The following KCNH5 variants were observed in gnomAD, a reference collection of about 807,000 sequenced individuals.
KCNH5 encodes voltage-gated delayed rectifier potassium channel KCNH5.
A neutral mutation model predicts 96.1 loss-of-function variants in KCNH5; 46 were observed. That is an observed-to-expected ratio of 0.48 (90% confidence interval 0.38 to 0.61). The LOEUF is 0.61. Ranked by LOEUF, KCNH5 falls within the 20% of genes least tolerant of loss-of-function variation. The probability of loss-of-function intolerance (pLI) is 0.00; values close to 1 mark genes in which losing one functional copy is unlikely to be tolerated. For missense variants in KCNH5, 907 were observed against 1,225.8 expected, an observed-to-expected ratio of 0.74 and a Z score of 3.88; for synonymous variants, 439 against 449.8, an observed-to-expected ratio of 0.98 and a Z score of 0.30.
chr14:62,723,619 T>C (rs1213459512), intron 10 of KCNH5, among the ~76,000 whole-genome samples: 2 of 152,180 alleles, frequency 1.3e-5, no homozygotes, highest in South Asian at 2.1e-4. Flanking sequence ...TCATGGGGTA[T>C]GTTATTTCTG....
intron 7 of KCNH5, among the ~76,000 whole-genome samples, chr14:62,893,509 A>T (rs929409121): frequency 1.3e-5 from 2 of 152,182 alleles, no homozygotes; most frequent in Non-Finnish European, 2.9e-5. Context: ...TAATCCCAGC[A>T]CTTTGGGAGG....
At chr14:62,973,515 C>G (rs1022851768) in intron 6 of KCNH5, among the ~76,000 whole-genome samples, 1 of 152,142 alleles carries the variant, frequency 6.6e-6, no homozygotes, top group Non-Finnish European at 1.5e-5. Flanking sequence ...CATGAAGACA[C>G]ATTTGTCTTG....
chr14:62,871,652 C>A (rs1041329026), intron 7 of KCNH5, among the ~76,000 whole-genome samples: 8 of 152,068 alleles, frequency 5.3e-5, no homozygotes, highest in Non-Finnish European at 8.8e-5. Flanking sequence ...GAATAGAAAG[C>A]CCTAAGCATT....
intron 7 of KCNH5, among the ~76,000 whole-genome samples, chr14:62,918,757 A>C (rs1447079864): frequency 6.6e-6 from 1 of 152,116 alleles, no homozygotes; most frequent in Non-Finnish European, 1.5e-5. Context: ...CACACTCAAA[A>C]TATGTCAGTA....
At chr14:62,868,700 T>G (rs1271540343) in intron 7 of KCNH5, among the ~76,000 whole-genome samples, 2 of 152,098 alleles carry the variant, frequency 1.3e-5, no homozygotes, top group African/African-American at 4.8e-5. Flanking sequence ...CCCTACCCGC[T>G]GACAGGCCCT....
chr14:63,041,887 T>C (rs79953384), intron 1 of KCNH5, among the ~76,000 whole-genome samples: 2,017 of 152,244 alleles, frequency 0.013, 49 homozygotes, highest in African/African-American at 0.046. Flanking sequence ...CAGAATACAG[T>C]GCTGGTATTC....
intron 7 of KCNH5, among the ~76,000 whole-genome samples, chr14:62,943,037 T>C (rs916781679): frequency 2.0e-5 from 3 of 152,184 alleles, no homozygotes; most frequent in African/African-American, 7.2e-5. Flanking sequence ...AATACATATT[T>C]AATAATGTAC....
At chr14:62,905,136 C>G (rs1889002478) in intron 7 of KCNH5, among the ~76,000 whole-genome samples, 1 of 152,186 alleles carries the variant, frequency 6.6e-6, no homozygotes. Flanking sequence ...AAAAGAAAAT[C>G]TACCTCACCA....
At chr14:62,886,604 T>A (rs10150127) in intron 7 of KCNH5, among the ~76,000 whole-genome samples, 117,764 of 152,130 alleles carry the variant, frequency 0.77, 46,761 homozygotes, top group East Asian at 0.99. Context: ...GTCAAGCTTG[T>A]TTTGAAGCTT....
intron 7 of KCNH5, among the ~76,000 whole-genome samples, chr14:62,920,055 G>T (rs773082666): frequency 5.3e-5 from 8 of 152,032 alleles, no homozygotes; most frequent in African/African-American, 1.9e-4. Flanking sequence ...GAGTTTTGGG[G>T]GAACTTGCCC....
At chr14:62,757,944 G>A (rs1595609276) in intron 10 of KCNH5, among the ~76,000 whole-genome samples, 2 of 152,034 alleles carry the variant, frequency 1.3e-5, no homozygotes, top group African/African-American at 2.4e-5. Context: ...TCAGGAGTTC[G>A]AGACCAGCCT....
intron 6 of KCNH5, among the ~76,000 whole-genome samples, chr14:62,953,059 G>T (rs1452505224): frequency 6.6e-6 from 1 of 151,256 alleles, no homozygotes; most frequent in Non-Finnish European, 1.5e-5. Flanking sequence ...TCTGCCACAG[G>T]TTTAGAAGTA....
intron 8 of KCNH5, among the ~76,000 whole-genome samples, chr14:62,822,087 A>G (rs1309540762): frequency 1.3e-5 from 2 of 152,218 alleles, no homozygotes; most frequent in Admixed American, 1.3e-4. Flanking sequence ...CAAGAGCTGT[A>G]TCCTAAAAAT....
chr14:63,006,287 C>T, intron 3 of KCNH5, 79 bp downstream of exon 3: 1 of 828,036 alleles, frequency 1.2e-6, no homozygotes, highest in Non-Finnish European at 2.0e-6. Flanking sequence ...ATGCTCTCTA[C>T]ATTTTAGCTC....
intron 7 of KCNH5, among the ~76,000 whole-genome samples, chr14:62,865,601 G>A (rs1328903064): frequency 5.9e-5 from 9 of 152,260 alleles, no homozygotes; most frequent in Admixed American, 4.6e-4. Flanking sequence ...TGGAGGGCCC[G>A]GGGGCTATCT....
At position 62,987,178 on chromosome 14, in the gene KCNH5, T is replaced by A. The variant is rs1338793454; in HGVS notation, c.443A>T (p.Lys148Ile). The A allele has an allele frequency of 6.2e-7, 1 of 1,612,832 alleles. No individual in the cohort carries two copies. The highest frequency in any genetic ancestry group is 1.1e-5 in the South Asian group (1 of 91,048). ...IEDDSTKGWT[K>I]FARLTRALTN... ...CAAAGCCCGTGTCAATCGGGCAAAT[T>A]TCGTCCAACCTTAAAAATAAGGAAA... The change falls in exon 5 of 11, where the codon AAA (lysine) becomes ATA (isoleucine). Residue 148 changes from lysine to isoleucine, a missense_variant. Physicochemically the swap from Lys to Ile is moderately radical, Grantham distance 102. Transcript: ENST00000322893.
chr14:62,719,911 G>A (rs1484462439), intron 10 of KCNH5, among the ~76,000 whole-genome samples: 1 of 152,186 alleles, frequency 6.6e-6, no homozygotes, highest in Non-Finnish European at 1.5e-5. Flanking sequence ...TTACATTACG[G>A]ATATGTGTTA....
chr14:62,928,923 T>C (rs1163269274), intron 7 of KCNH5, among the ~76,000 whole-genome samples: 2 of 152,060 alleles, frequency 1.3e-5, no homozygotes, highest in East Asian at 3.9e-4. Context: ...ACCAGTCTCA[T>C]GACTTTAAAT....
At position 62,814,782 on chromosome 14, in the gene KCNH5, C is replaced by CAAAAAAAAAAAAAAAAAAAAAAAAAAAA. The variant is rs71120235; in HGVS notation, c.1570-12229_1570-12202dup. The stretch of plus-strand genomic sequence containing the variant: ...TGGGCGACAAAGCGAGACTCCATCT[C>CAAAAAAAAAAAAAAAAAAAAAAAAAAAA]AAAAAAAAAAAAAAAAAAAAAAAAA... On this transcript the variant is annotated intron_variant, in intron 8 of 10. Transcript: ENST00000322893. 5.9e-5 allele frequency among the ~76,000 whole-genome samples: 2 copies of CAAAAAAAAAAAAAAAAAAAAAAAAAAAA among 33,758 alleles called. 1 individual carries two copies. Among genetic ancestry groups the CAAAAAAAAAAAAAAAAAAAAAAAAAAAA allele is most frequent in the Non-Finnish European group, 9.5e-5 (2 of 21,102 alleles). The allele number at this position is 33,758 out of a possible 152,430, so 22.1% of individuals were successfully genotyped here.
Sources: gnomAD v4.1 joint callset for allele counts (sites outside exome capture counted in the v4.1 genomes callset) on GRCh38, gnomAD v4.1.1 for gene constraint, MANE v1.5 for transcripts, NCBI Gene and HGNC (gene_info 2026-07-23, HGNC 2026-07-21) for gene names.